Variants in DCAF6 observed in about 807,000 individuals in gnomAD.
DCAF6 encodes the protein DDB1- and CUL4-associated factor 6.
DCAF6 carries 54 observed loss-of-function variants against 125.1 expected under a neutral mutation model. The observed-to-expected ratio is 0.43, with a 90% CI of 0.35 to 0.54. DCAF6 has a LOEUF of 0.54. DCAF6 is among the 20% of genes least tolerant of loss of function. The pLI, the probability that DCAF6 is intolerant of heterozygous loss-of-function variation, is 0.01. For synonymous variants in DCAF6, 371 were observed against 390.4 expected, an observed-to-expected ratio of 0.95 and a Z score of 0.58; for missense variants, 934 against 1,161.7, an observed-to-expected ratio of 0.80 and a Z score of 2.85.
At chr1:167,983,272 A>T (rs1036045074) in intron 4 of DCAF6, among the ~76,000 whole-genome samples, 3 of 152,182 alleles carry the variant, frequency 2.0e-5, no homozygotes, top group African/African-American at 7.2e-5. Context: ...CATTTTAACG[A>T]TATTGATTCT....
intron 16 of DCAF6, 66 bp from the exon 17 acceptor site, chr1:168,050,826 T>C (rs1277758046): frequency 2.1e-6 from 2 of 934,198 alleles, no homozygotes; most frequent in Non-Finnish European, 2.9e-6. Context: ...GTGTCCTTAA[T>C]GCTTTAAATA....
chr1:167,864,757 C>G, the DCAF6 span, among the ~76,000 whole-genome samples: 1 of 152,150 alleles, frequency 6.6e-6, no homozygotes, highest in Non-Finnish European at 1.5e-5. Flanking sequence ...CTGTAACACT[C>G]TAATACCACT....
chr1:167,977,147 G>A (rs1220306225), intron 4 of DCAF6, among the ~76,000 whole-genome samples: 2 of 149,470 alleles, frequency 1.3e-5, no homozygotes, highest in East Asian at 3.9e-4. Context: ...CAGGTGATCT[G>A]CCTGCCTCTG....
At chr1:167,977,663 G>A (rs748069135) in intron 4 of DCAF6, among the ~76,000 whole-genome samples, 13 of 151,982 alleles carry the variant, frequency 8.6e-5, no homozygotes, top group Non-Finnish European at 1.6e-4. Context: ...TCAGTCAGTA[G>A]GTCTTTGGTT....
At chr1:168,015,660 G>T in intron 10 of DCAF6, 121 bp from the exon 11 acceptor site, 1 of 829,320 alleles carries the variant, frequency 1.2e-6, no homozygotes, top group Non-Finnish European at 1.7e-6. Flanking sequence ...TTTGTTTATA[G>T]TATTCCTCTA....
At chr1:167,994,356 A>C (rs1278161464) in intron 7 of DCAF6, among the ~76,000 whole-genome samples, 1 of 152,306 alleles carries the variant, frequency 6.6e-6, no homozygotes, top group African/African-American at 2.4e-5. Flanking sequence ...AGAAAATATG[A>C]TGATAAATTT....
At chr1:168,073,409 A>G (rs1693383804) in intron 21 of DCAF6, among the ~76,000 whole-genome samples, 1 of 152,244 alleles carries the variant, frequency 6.6e-6, no homozygotes, top group Admixed American at 6.5e-5. Flanking sequence ...ACTATGCATC[A>G]GTTAAATGAA....
intron 4 of DCAF6, among the ~76,000 whole-genome samples, chr1:167,984,515 A>G (rs575286474): frequency 6.6e-6 from 1 of 152,304 alleles, no homozygotes; most frequent in African/African-American, 2.4e-5. Flanking sequence ...ATTTATAGAC[A>G]GTAGTATACA....
chr1:167,902,743 G>C, the DCAF6 span, among the ~76,000 whole-genome samples: 1 of 152,350 alleles, frequency 6.6e-6, no homozygotes, highest in South Asian at 2.1e-4. Flanking sequence ...CACCATAACA[G>C]AGTAAACCGT....
At chr1:167,951,369 G>A (rs962835460) in intron 1 of DCAF6, among the ~76,000 whole-genome samples, 1 of 152,192 alleles carries the variant, frequency 6.6e-6, no homozygotes, top group African/African-American at 2.4e-5. Flanking sequence ...GAGGTGAGGA[G>A]TTTGAGACCA....
chr1:168,013,074 A>G (rs567657462), intron 10 of DCAF6, among the ~76,000 whole-genome samples: 6 of 152,218 alleles, frequency 3.9e-5, no homozygotes, highest in African/African-American at 7.2e-5. Flanking sequence ...TGAAGTGACA[A>G]ACTTTATGGC....
upstream of DCAF6, among the ~76,000 whole-genome samples, chr1:167,931,827 A>G (rs867740251): frequency 1.3e-5 from 2 of 152,274 alleles, no homozygotes; most frequent in African/African-American, 4.8e-5. Context: ...CCTTATAAAC[A>G]CTGATAACAT....
upstream of DCAF6, chr1:167,936,417 G>A (rs558964114): frequency 5.6e-6 from 1 of 179,404 alleles, no homozygotes; most frequent in South Asian, 1.2e-4. Flanking sequence ...GTGAGCGAGA[G>A]ACTACAGAAT....
intron 17 of DCAF6, among the ~76,000 whole-genome samples, chr1:168,059,615 A>G (rs1691334955): frequency 6.6e-6 from 1 of 152,210 alleles, no homozygotes; most frequent in African/African-American, 2.4e-5. Flanking sequence ...TATCTTTACA[A>G]TACAAAGTTA....
chr1:168,019,671 G>A (rs763701461), intron 11 of DCAF6: 4 of 220,694 alleles, frequency 1.8e-5, no homozygotes, highest in Non-Finnish European at 4.0e-5. Flanking sequence ...GGGTCAGGTA[G>A]GAACTGTTTT....
At chr1:167,902,029 G>A in the DCAF6 span, 9 of 1,611,140 alleles carry the variant, frequency 5.6e-6, no homozygotes, top group African/African-American at 1.1e-4. Flanking sequence ...CAAATTTCAG[G>A]ATGTCTCCTC....
In DCAF6 at chr1:167,987,522, A is replaced by G. The variant is rs2102986288; in HGVS notation, c.466A>G (p.Thr156Ala). The change falls in exon 5 of 22, where the codon ACT becomes GCT. Residue 156 changes from threonine to alanine, a missense_variant. Physicochemically the swap from Thr to Ala is moderately conservative, Grantham distance 58 (BLOSUM62 0). This residue lies in a region of DCAF6 where 309 missense variants were observed against 381.2 expected (regional missense o/e 0.81). Coordinates refer to ENST00000367840, the MANE Select transcript of DCAF6 (RefSeq NM_001198956.2). Reference protein sequence around the residue: ...EIMTVPNDPYTFLSCGEDGTV... With the variant: ...EIMTVPNDPYAFLSCGEDGTV... The stretch of plus-strand genomic sequence containing the variant: ...TATGACTGTACCCAATGACCCTTAC[A>G]CTTTTCTCTCTTGTGGTGAAGATGG... 1 of 1,601,184 alleles carries G rather than the reference A, an allele frequency of 6.2e-7. No homozygotes were observed. Among genetic ancestry groups the G allele is most frequent in the Non-Finnish European group, 8.5e-7 (1 of 1,170,540 alleles).
the DCAF6 span, among the ~76,000 whole-genome samples, chr1:167,927,911 T>A: frequency 6.6e-6 from 1 of 152,212 alleles, no homozygotes; most frequent in Non-Finnish European, 1.5e-5. Flanking sequence ...TAACAACTGC[T>A]ATGTACTAAA....
the DCAF6 span, among the ~76,000 whole-genome samples, chr1:167,891,807 C>T: frequency 2.6e-5 from 4 of 152,074 alleles, no homozygotes; most frequent in Non-Finnish European, 4.4e-5. Context: ...TCAGATTCTT[C>T]AACGACAATG....
Sources: allele counts gnomAD v4.1 joint callset (sites outside exome capture counted in the v4.1 genomes callset), GRCh38; gene constraint gnomAD v4.1.1; regional missense constraint gnomAD v4.1.1; transcripts MANE v1.5; gene names NCBI Gene and HGNC (gene_info 2026-07-23, HGNC 2026-07-21).